Variants in COL4A3 observed in about 807,000 individuals in gnomAD.
COL4A3 encodes the protein collagen type IV alpha 3 chain, also known as collagen alpha-3(IV) chain.
In COL4A3, 135 loss-of-function variants were observed where a neutral mutation model predicts 217.4. The observed-to-expected ratio is 0.62, with a 90% CI of 0.54 to 0.72. COL4A3 has a LOEUF of 0.72. Among genes scored for constraint, COL4A3 ranks in the 30% least tolerant of loss-of-function variants. COL4A3 has a pLI of 0.00. For missense variants in COL4A3, 1,868 were observed against 2,119.9 expected (o/e 0.88, Z 2.33); for synonymous variants, 690 against 736.3 (o/e 0.94, Z 1.02).
intron 41 of COL4A3, among the ~76,000 whole-genome samples, chr2:227,297,275 T>C (rs1471265076): frequency 6.6e-6 from 1 of 152,232 alleles, no homozygotes; most frequent in Non-Finnish European, 1.5e-5. Context: ...ATGACTAAGT[T>C]AATCAGCTGA....
chr2:227,289,385 A>C, intron 35 of COL4A3, 137 bp downstream of exon 35: 1 of 741,272 alleles, frequency 1.3e-6, no homozygotes, highest in Non-Finnish European at 2.3e-6. Flanking sequence ...TTTGCTACTA[A>C]ATTAACTAAA....
rs755128292 is a variant in COL4A3 at position 227,293,219 on chromosome 2, G to A, written c.3239G>A (p.Gly1080Glu). 6.2e-7 allele frequency: 1 copy of A among 1,613,948 alleles called. No individual in the cohort carries two copies. The change falls in exon 38 of 52, where the codon GGA (glycine) becomes GAA (glutamate). Residue 1080 changes from glycine (G) to glutamate (E), a missense_variant. Physicochemically the swap from Gly to Glu is moderately conservative, Grantham distance 98. This residue lies in a region of COL4A3 where 1,503 missense variants were observed against 1,786.1 expected (regional missense o/e 0.84). Transcript: ENST00000396578. ...TGDPGLPGDM[G>E]KKGEMGQPGP... ...GATCCAGGACTGCCGGGTGATATGG[G>A]AAAGAAAGGAGAAATGGGGCAACCT...
chr2:227,234,813 G>A (rs1163860464), intron 1 of COL4A3, among the ~76,000 whole-genome samples: 2 of 152,204 alleles, frequency 1.3e-5, no homozygotes, highest in African/African-American at 4.8e-5. Context: ...CTTACTCCAA[G>A]AAATAAAATT....
At chr2:227,304,701 A>C (rs1227567827) in intron 46 of COL4A3, among the ~76,000 whole-genome samples, 1 of 152,248 alleles carries the variant, frequency 6.6e-6, no homozygotes, top group Admixed American at 6.5e-5. Context: ...TGATCAATTC[A>C]GGGACATAGT....
intron 1 of COL4A3, among the ~76,000 whole-genome samples, chr2:227,220,180 CTTTTTT>C (rs534893588): frequency 4.0e-4 from 33 of 82,976 alleles, no homozygotes; most frequent in African/African-American, 1.5e-3. Flanking sequence ...GAGACAAAGC[CTTTTTT>C]TTTTTTTTTT....
At chr2:227,227,084 T>C (rs576468906) in intron 1 of COL4A3, among the ~76,000 whole-genome samples, 4 of 152,370 alleles carry the variant, frequency 2.6e-5, no homozygotes, top group Admixed American at 2.0e-4. Flanking sequence ...TAAAAACCAG[T>C]CTTAGCTCAT....
intron 1 of COL4A3, among the ~76,000 whole-genome samples, chr2:227,224,073 C>T (rs913662061): frequency 2.6e-5 from 4 of 152,168 alleles, no homozygotes; most frequent in African/African-American, 4.8e-5. Flanking sequence ...GAAGTTTGCA[C>T]GCAATCGCTC....
intron 2 of COL4A3, 121 bp downstream of exon 2, chr2:227,238,145 A>G (rs2068801746): frequency 2.8e-6 from 2 of 703,452 alleles, no homozygotes; most frequent in African/African-American, 3.6e-5. Flanking sequence ...CCCAAATCCA[A>G]TGTTAAAGTA....
At chr2:227,208,665 C>T (rs935577032) in intron 1 of COL4A3, among the ~76,000 whole-genome samples, 2 of 151,974 alleles carry the variant, frequency 1.3e-5, no homozygotes, top group African/African-American at 2.4e-5. Flanking sequence ...CCTGCACAGC[C>T]GGCTCTGCGT....
chr2:227,230,052 A>G (rs79065384), intron 1 of COL4A3, among the ~76,000 whole-genome samples: 1 of 139,994 alleles, frequency 7.1e-6, no homozygotes, highest in East Asian at 2.0e-4. Context: ...CTCCATCTCA[A>G]AAAAAAAAAA....
At chr2:227,222,746 T>C (rs1465907582) in intron 1 of COL4A3, among the ~76,000 whole-genome samples, 1 of 152,230 alleles carries the variant, frequency 6.6e-6, no homozygotes, top group East Asian at 1.9e-4. Context: ...GAAGTGGGCA[T>C]GTCAGGCCAA....
intron 1 of COL4A3, among the ~76,000 whole-genome samples, chr2:227,224,882 A>T (rs2068002900): frequency 6.6e-6 from 1 of 152,126 alleles, no homozygotes; most frequent in South Asian, 2.1e-4. Flanking sequence ...TTTTGTTATT[A>T]ATTTTTATGT....
chr2:227,302,140 C>T (rs982500727), intron 43 of COL4A3, among the ~76,000 whole-genome samples: 1 of 152,208 alleles, frequency 6.6e-6, no homozygotes, highest in Non-Finnish European at 1.5e-5. Flanking sequence ...AAGACCAGTT[C>T]ATGTGAGCCT....
chr2:227,193,192 A>G (rs2066309943), intron 1 of COL4A3, among the ~76,000 whole-genome samples: 1 of 152,354 alleles, frequency 6.6e-6, no homozygotes, highest in South Asian at 2.1e-4. Flanking sequence ...AAAATGGACC[A>G]TAATTTGACC....
At chr2:227,174,705 C>A (rs191307021) in intron 1 of COL4A3, among the ~76,000 whole-genome samples, 2 of 152,064 alleles carry the variant, frequency 1.3e-5, no homozygotes, top group Non-Finnish European at 1.5e-5. Context: ...CGGGGTCTCA[C>A]CATGTTGGTC....
chr2:227,266,256 G>A (rs1358587025), intron 21 of COL4A3, among the ~76,000 whole-genome samples, 161 bp from the exon 22 acceptor site: 1 of 152,154 alleles, frequency 6.6e-6, no homozygotes, highest in Non-Finnish European at 1.5e-5. Flanking sequence ...ATGAAGGGAA[G>A]AGCTGGTCAC....
At chr2:227,204,522 C>T (rs1167546971) in intron 1 of COL4A3, among the ~76,000 whole-genome samples, 1 of 152,186 alleles carries the variant, frequency 6.6e-6, no homozygotes, top group Non-Finnish European at 1.5e-5. Context: ...ACGAAGGGAC[C>T]CGTGCAAATG....
chr2:227,247,697 C>A, intron 8 of COL4A3, 113 bp downstream of exon 8: 1 of 1,057,126 alleles, frequency 9.5e-7, no homozygotes, highest in Non-Finnish European at 1.5e-6. Context: ...TAATCCAGAC[C>A]TTAATCATTC....
chr2:227,289,071 C>A, intron 34 of COL4A3, 79 bp from the exon 35 acceptor site: 1 of 1,065,370 alleles, frequency 9.4e-7, no homozygotes, highest in Non-Finnish European at 1.4e-6. Context: ...CTGCCTCAGC[C>A]TCCCACGTAG....
Sources: allele counts gnomAD v4.1 joint callset (sites outside exome capture counted in the v4.1 genomes callset), GRCh38; gene constraint gnomAD v4.1.1; regional missense constraint gnomAD v4.1.1; transcripts MANE v1.5; gene names NCBI Gene and HGNC (gene_info 2026-07-23, HGNC 2026-07-21).